CTNNA3: variants seen among roughly 807,000 people sequenced by gnomAD.
CTNNA3 encodes catenin alpha 3, also known as catenin alpha-3.
In CTNNA3, 76 loss-of-function variants were observed where a neutral mutation model predicts 95.7. The ratio of observed to expected loss-of-function variants is 0.79; its 90% CI spans 0.66 to 0.96. The LOEUF (loss-of-function observed/expected upper bound fraction) is 0.96, where lower values mean the gene tolerates loss of function less well. CTNNA3 is among the 40% of genes least tolerant of loss of function. CTNNA3 has a pLI of 0.00. For missense variants in CTNNA3, 1,191 were observed against 1,089.8 expected, an observed-to-expected ratio of 1.09 and a Z score of -1.31; for synonymous variants, 431 against 374.4, an observed-to-expected ratio of 1.15 and a Z score of -1.74.
At chr10:66,353,784 T>C (rs1233655169) in intron 12 of CTNNA3, among the ~76,000 whole-genome samples, 1 of 151,984 alleles carries the variant, frequency 6.6e-6, no homozygotes, top group Non-Finnish European at 1.5e-5. Flanking sequence ...GGATAGTTTT[T>C]GTAACAGGGG....
chr10:67,344,060 A>C (rs531445139), intron 5 of CTNNA3, among the ~76,000 whole-genome samples: 130 of 151,706 alleles, frequency 8.6e-4, no homozygotes, highest in African/African-American at 2.9e-3. Flanking sequence ...AATTTTATGA[A>C]ATGCTTTTTC....
At chr10:66,504,966 C>A in intron 11 of CTNNA3, among the ~76,000 whole-genome samples, 1 of 152,132 alleles carries the variant, frequency 6.6e-6, no homozygotes, top group East Asian at 1.9e-4. Context: ...TATTGTTATG[C>A]AAGTCTAAAA....
chr10:66,615,375 C>T (rs1019895486), intron 10 of CTNNA3, among the ~76,000 whole-genome samples: 17 of 152,046 alleles, frequency 1.1e-4, no homozygotes, highest in African/African-American at 3.4e-4. Flanking sequence ...CCCCATATCA[C>T]GCTACTGACT....
chr10:66,014,060 A>G (rs2079051115), intron 15 of CTNNA3, among the ~76,000 whole-genome samples: 1 of 152,172 alleles, frequency 6.6e-6, no homozygotes, highest in Non-Finnish European at 1.5e-5. Flanking sequence ...CTACAGGCCA[A>G]CATCTGTCCT....
chr10:67,127,772 C>T (rs770071274), intron 7 of CTNNA3, among the ~76,000 whole-genome samples: 27 of 152,078 alleles, frequency 1.8e-4, no homozygotes, highest in Non-Finnish European at 3.2e-4. Flanking sequence ...ATATCTGTAA[C>T]AAGTAATAAA....
intron 1 of CTNNA3, among the ~76,000 whole-genome samples, chr10:67,735,166 C>T (rs905275697): frequency 6.6e-6 from 1 of 151,392 alleles, no homozygotes; most frequent in African/African-American, 2.4e-5. Context: ...CACACACACA[C>T]ACACACACAG....
intron 5 of CTNNA3, among the ~76,000 whole-genome samples, chr10:67,406,634 C>T (rs1036351186): frequency 2.0e-5 from 3 of 151,622 alleles, no homozygotes; most frequent in African/African-American, 7.3e-5. Flanking sequence ...AATCCAGAAG[C>T]TAATTTTCTG....
At chr10:66,867,301 T>G (rs1478542898) in intron 7 of CTNNA3, among the ~76,000 whole-genome samples, 1 of 152,240 alleles carries the variant, frequency 6.6e-6, no homozygotes, top group Admixed American at 6.5e-5. Flanking sequence ...TCTGGGTTTC[T>G]GTCCTGAGGT....
chr10:66,164,675 C>T (rs1452674830), intron 13 of CTNNA3, among the ~76,000 whole-genome samples: 1 of 152,008 alleles, frequency 6.6e-6, no homozygotes, highest in African/African-American at 2.4e-5. Context: ...AATTATAGAA[C>T]AATTGACACA....
intron 10 of CTNNA3, among the ~76,000 whole-genome samples, chr10:66,612,563 T>C (rs1414858802): frequency 6.6e-6 from 1 of 152,054 alleles, no homozygotes; most frequent in Non-Finnish European, 1.5e-5. Flanking sequence ...AAGACTGGAC[T>C]GGGGGAGGTG....
chr10:66,067,865 G>A lies in CTNNA3; in HGVS notation c.2159+1443C>T, dbSNP rs565235092. 6.4e-4 allele frequency among the ~76,000 whole-genome samples: 97 copies of A among 152,168 alleles called. 1 individual carries two copies. Among genetic ancestry groups the A allele is most frequent in the Non-Finnish European group, 9.4e-4 (64 of 68,014 alleles). ...CCAAAGGCAGAGGTTGCAGTGAGCC[G>A]AGATCGTGCCACTGCACTCCAGCCT... On this transcript the variant is annotated intron_variant, in intron 15 of 17. Coordinates refer to ENST00000433211, the MANE Select transcript of CTNNA3 (RefSeq NM_013266.4).
At chr10:67,336,173 A>C (rs1440869525) in intron 5 of CTNNA3, among the ~76,000 whole-genome samples, 3 of 152,086 alleles carry the variant, frequency 2.0e-5, no homozygotes, top group Non-Finnish European at 2.9e-5. Flanking sequence ...CATCTCCTCC[A>C]TCTCTCCTTC....
At chr10:67,010,982 T>C (rs1852289966) in intron 7 of CTNNA3, among the ~76,000 whole-genome samples, 1 of 152,180 alleles carries the variant, frequency 6.6e-6, no homozygotes, top group African/African-American at 2.4e-5. Context: ...GAATCTACAA[T>C]ATAAATCTAT....
chr10:67,357,683 T>C (rs897589708), intron 5 of CTNNA3, among the ~76,000 whole-genome samples: 2 of 152,094 alleles, frequency 1.3e-5, no homozygotes, highest in Non-Finnish European at 2.9e-5. Flanking sequence ...TGTTATTCTT[T>C]TATTTTTGAA....
At chr10:67,744,931 G>C (rs1212527120) in intron 1 of CTNNA3, among the ~76,000 whole-genome samples, 9 of 152,220 alleles carry the variant, frequency 5.9e-5, no homozygotes, top group Non-Finnish European at 1.0e-4. Flanking sequence ...CTGGCCATCA[G>C]AGAAATGCAA....
At position 67,180,521 on chromosome 10, in the gene CTNNA3, C is replaced by A; in HGVS notation, c.844-1G>T. ...TGAGTGGATTCAGGACAATTAAATT[C>A]TAAGAGAAGAACACATTTGTATGGT... On this transcript the variant is annotated splice_acceptor_variant, in intron 6 of 17. Transcript: ENST00000433211. LOFTEE classifies it high-confidence loss of function. 5 of 1,610,014 alleles carry A rather than the reference C, an allele frequency of 3.1e-6. No individual in the cohort carries two copies. The highest frequency in any genetic ancestry group is 4.3e-6 in the Non-Finnish European group (5 of 1,176,456).
chr10:66,008,978 TA>T (rs2133386244), intron 15 of CTNNA3, among the ~76,000 whole-genome samples: 1 of 152,088 alleles, frequency 6.6e-6, no homozygotes, highest in South Asian at 2.1e-4. Flanking sequence ...CACGCACCTG[TA>T]ATCCCAGCTA....
intron 5 of CTNNA3, among the ~76,000 whole-genome samples, chr10:67,402,840 C>T (rs1160587475): frequency 2.0e-5 from 3 of 152,184 alleles, no homozygotes; most frequent in African/African-American, 4.8e-5. Flanking sequence ...CATACCCCAG[C>T]CACAGGATCC....
chr10:66,894,319 A>G (rs935251715), intron 7 of CTNNA3, among the ~76,000 whole-genome samples: 2 of 152,098 alleles, frequency 1.3e-5, no homozygotes, highest in Non-Finnish European at 2.9e-5. Context: ...TATCCACTTT[A>G]TCACTCTAAA....
Sources: gnomAD v4.1 joint callset for allele counts (sites outside exome capture counted in the v4.1 genomes callset) on GRCh38, gnomAD v4.1.1 for gene constraint, MANE v1.5 for transcripts, NCBI Gene and HGNC (gene_info 2026-07-23, HGNC 2026-07-21) for gene names.